The following SPINK5 variants were observed in gnomAD, a reference collection of about 807,000 sequenced individuals.
The protein encoded by SPINK5 is serine peptidase inhibitor Kazal type 5, also known as serine protease inhibitor Kazal-type 5.
A neutral mutation model predicts 151.8 loss-of-function variants in SPINK5; 125 were observed. The observed-to-expected ratio is 0.82, with a 90% CI of 0.71 to 0.96. SPINK5 has a LOEUF of 0.96. SPINK5 is among the 40% of genes least tolerant of loss of function. SPINK5 has a pLI of 0.00. For synonymous variants in SPINK5, 374 were observed against 395.3 expected (o/e 0.95, Z 0.64); for missense variants, 1,194 against 1,291.9 (o/e 0.92, Z 1.16).
chr5:148,131,541 T>G (rs937648307), intron 31 of SPINK5, 152 bp downstream of exon 31: 3 of 1,108,380 alleles, frequency 2.7e-6, no homozygotes, highest in African/African-American at 3.2e-5. Context: ...TGAATTATCT[T>G]TCTTATATGT....
chr5:148,072,129 A>G lies in SPINK5; in HGVS notation c.210-19A>G. On this transcript the variant is annotated intron_variant, in intron 3 of 32. Transcript: ENST00000256084. ...GAGCAAACAATGTTTAAACTATGCT[A>G]TTTCTTGTCCTTTTCCAGGGAAAAA... The G allele has an allele frequency of 6.2e-7, 1 of 1,609,894 alleles. No homozygotes were observed.
chr5:148,102,510 T>C (rs1442747595), intron 15 of SPINK5, among the ~76,000 whole-genome samples: 1 of 152,182 alleles, frequency 6.6e-6, no homozygotes, highest in Non-Finnish European at 1.5e-5. Flanking sequence ...ACAATTATTA[T>C]ATGTCAAGTA....
chr5:148,131,848 T>A (rs1333943350), intron 31 of SPINK5, among the ~76,000 whole-genome samples: 1 of 152,138 alleles, frequency 6.6e-6, no homozygotes, highest in African/African-American at 2.4e-5. Context: ...AAAGAAGTAG[T>A]ACCTTGCAAA....
chr5:148,071,673 A>ATTG (rs1554102199), intron 3 of SPINK5, among the ~76,000 whole-genome samples: 7 of 62,680 alleles, frequency 1.1e-4, no homozygotes, highest in African/African-American at 1.0e-3. Flanking sequence ...TTAGAATAAA[A>ATTG]TTTTTTTTTT....
chr5:148,108,696 T>A (rs201017568), intron 17 of SPINK5, 57 bp from the exon 18 acceptor site: 5 of 1,590,024 alleles, frequency 3.1e-6, no homozygotes. Context: ...TTTAAAAATG[T>A]ACTACCAAAA....
chr5:148,125,879 A>T (rs775303656), intron 29 of SPINK5, 29 bp downstream of exon 29: 5 of 1,614,046 alleles, frequency 3.1e-6, no homozygotes, highest in Non-Finnish European at 3.4e-6. Flanking sequence ...CTCCCCCTGT[A>T]GCTAGCAGGG....
At chr5:148,132,205 C>T (rs1224770385) in intron 31 of SPINK5, among the ~76,000 whole-genome samples, 1 of 152,068 alleles carries the variant, frequency 6.6e-6, no homozygotes, top group African/African-American at 2.4e-5. Context: ...GCATCCCTTC[C>T]CTTCTCCTGG....
intron 14 of SPINK5, 57 bp downstream of exon 14, chr5:148,101,493 A>C (rs1753643609): frequency 7.4e-7 from 1 of 1,345,200 alleles, no homozygotes; most frequent in Non-Finnish European, 1.1e-6. Flanking sequence ...TCCACAGATC[A>C]TGTTCAGGGA....
intron 20 of SPINK5, 143 bp downstream of exon 20, chr5:148,113,077 A>G: frequency 7.4e-7 from 1 of 1,350,852 alleles, no homozygotes; most frequent in Non-Finnish European, 1.0e-6. Flanking sequence ...CTTTTTCTTA[A>G]CAGAACAGAT....
intron 18 of SPINK5, among the ~76,000 whole-genome samples, chr5:148,111,461 A>G (rs1363941277): frequency 1.3e-5 from 2 of 152,176 alleles, no homozygotes; most frequent in Admixed American, 6.5e-5. Flanking sequence ...GTGGAACGGT[A>G]TTATTCTGTA....
chr5:148,112,022 G>T, intron 19 of SPINK5, 127 bp downstream of exon 19: 1 of 1,399,848 alleles, frequency 7.1e-7, no homozygotes. Flanking sequence ...CACTGAGTTT[G>T]GAAATTTACT....
intron 22 of SPINK5, among the ~76,000 whole-genome samples, chr5:148,117,742 T>C (rs1037754714): frequency 2.0e-5 from 3 of 152,126 alleles, no homozygotes; most frequent in Admixed American, 6.5e-5. Flanking sequence ...TATGGAGGGC[T>C]AACTTTTTGT....
intron 4 of SPINK5, among the ~76,000 whole-genome samples, chr5:148,076,115 T>C (rs1752874030): frequency 6.6e-6 from 1 of 151,812 alleles, no homozygotes; most frequent in African/African-American, 2.4e-5. Context: ...AAGCAAATGC[T>C]GGAGTAGATG....
intron 26 of SPINK5, among the ~76,000 whole-genome samples, chr5:148,123,521 G>GTGTATA (rs1328976077): frequency 4.0e-5 from 1 of 25,016 alleles, no homozygotes; most frequent in African/African-American, 8.0e-5. Context: ...CAATATATGT[G>GTGTATA]TATATATATA....
intron 29 of SPINK5, among the ~76,000 whole-genome samples, chr5:148,126,466 A>C (rs2113219899): frequency 6.6e-6 from 1 of 152,322 alleles, no homozygotes; most frequent in South Asian, 2.1e-4. Context: ...CAGAACATTA[A>C]CCCACTTGTC....
intron 10 of SPINK5, among the ~76,000 whole-genome samples, chr5:148,096,211 T>C (rs1753456672): frequency 6.6e-6 from 1 of 151,972 alleles, no homozygotes; most frequent in Non-Finnish European, 1.5e-5. Flanking sequence ...TGATATGTAG[T>C]CTTCGATGTG....
At chr5:148,102,874 T>C (rs78257143) in intron 15 of SPINK5, among the ~76,000 whole-genome samples, 2,853 of 152,172 alleles carry the variant, frequency 0.019, 38 homozygotes, top group Non-Finnish European at 0.027. Context: ...GAGATTTTAT[T>C]ATGTAGGAGT....
At position 148,133,714 on chromosome 5, in the gene SPINK5, T is replaced by G; in HGVS notation, c.3096-83T>G. The G allele has an allele frequency of 2.2e-6, 3 of 1,363,704 alleles. No individual in the cohort carries two copies. In the African/African-American group the frequency reaches 4.3e-5, roughly 19 times the overall value. The allele number at this position is 1,363,704 out of a possible 1,614,324, so 84.5% of individuals were successfully genotyped here. A position where few individuals can be genotyped will look rare whatever the true frequency, so the allele number is the denominator to read the frequency against. On this transcript the variant is annotated intron_variant, in intron 31 of 32. Transcript: ENST00000256084. Reference sequence around the variant, plus strand: ...AATACAGTTTGGTTTGATACCCAAGTGTCCTGCATGTTGGTCCTTATTTAT... The same window carrying G: ...AATACAGTTTGGTTTGATACCCAAGGGTCCTGCATGTTGGTCCTTATTTAT...
chr5:148,088,851 A>G (rs1261316733), intron 6 of SPINK5, among the ~76,000 whole-genome samples: 1 of 151,338 alleles, frequency 6.6e-6, no homozygotes, highest in Non-Finnish European at 1.5e-5. Flanking sequence ...AAAAAAGAAG[A>G]AGAAGAAATA....
Sources: allele counts gnomAD v4.1 joint callset (sites outside exome capture counted in the v4.1 genomes callset), GRCh38; gene constraint gnomAD v4.1.1; transcripts MANE v1.5; gene names NCBI Gene and HGNC (gene_info 2026-07-23, HGNC 2026-07-21).